STON2: variants seen among roughly 807,000 people sequenced by gnomAD.
The protein encoded by STON2 is stonin-2.
Under a neutral mutation model 65.7 loss-of-function variants are expected in STON2, and 29 were observed. The observed-to-expected ratio is 0.44, with a 90% confidence interval of 0.33 to 0.60. The LOEUF is 0.60. Ranked by LOEUF, STON2 falls within the 20% of genes least tolerant of loss-of-function variation. The pLI, the probability that STON2 is intolerant of heterozygous loss-of-function variation, is 0.03. For synonymous variants in STON2, 404 were observed against 414.2 expected (o/e 0.98, Z 0.30); for missense variants, 1,054 against 1,118.1 (o/e 0.94, Z 0.82).
chr14:81,400,968 A>C (rs963904295), upstream of STON2, among the ~76,000 whole-genome samples: 9 of 152,224 alleles, frequency 5.9e-5, no homozygotes, highest in African/African-American at 2.2e-4. Flanking sequence ...ATGACAATGA[A>C]AACAGCAGGT....
rs181056697 is a variant in STON2, at chr14:81,339,882, T to C, written c.572-15695A>G. Among the ~76,000 whole-genome samples, 41 of 152,214 alleles carry C rather than the reference T, an allele frequency of 2.7e-4. No homozygotes were observed. The South Asian group carries it at 2.7e-3, about 10-fold the overall frequency. ...AAAATAAGCTGAGTAACGCTGGGCG[T>C]GGTGGCTCACGCCTGTAATCCCAAC... On this transcript the variant is annotated intron_variant, in intron 4 of 7. Coordinates refer to ENST00000614646, the MANE Select transcript of STON2 (RefSeq NM_001394390.1).
At chr14:81,370,165 G>A (rs1373335647) in intron 4 of STON2, among the ~76,000 whole-genome samples, 1 of 152,164 alleles carries the variant, frequency 6.6e-6, no homozygotes, top group Non-Finnish European at 1.5e-5. Context: ...GCTTAAAAAT[G>A]ATCTAGAAAC....
rs1016587372 is a variant in STON2 at position 81,396,283 on chromosome 14, G to A, written c.89-105C>T. ...TGACCATGGGGTGCCCGCATGACTC[G>A]CCACTGCAGTGAGTGGGGAGAAGAA... is the stretch of plus-strand genomic sequence containing the variant. On this transcript the variant is annotated intron_variant, in intron 2 of 7. Coordinates refer to ENST00000614646, the MANE Select transcript of STON2 (RefSeq NM_001394390.1). 1.1e-5 allele frequency: 12 copies of A among 1,048,628 alleles called. No individual in the cohort carries two copies. In the East Asian group the frequency reaches 1.3e-4, roughly 11 times the overall value. 65.0% of individuals were successfully genotyped at this position (1,048,628 alleles called of 1,614,324 possible). A position where few individuals can be genotyped will look rare whatever the true frequency, so the allele number is the denominator to read the frequency against.
In STON2 at chr14:81,268,332, T is replaced by TACTCAGGAAGACACCCTATCATG. The variant is rs1037159702; in HGVS notation, c.*59_*81dup. 3.7e-5 allele frequency: 47 copies of TACTCAGGAAGACACCCTATCATG among 1,270,592 alleles called. 1 individual carries two copies. Among genetic ancestry groups the TACTCAGGAAGACACCCTATCATG allele is most frequent in the South Asian group, 2.6e-4 (20 of 78,046 alleles). The allele number at this position is 1,270,592 out of a possible 1,614,324, so 78.7% of individuals were successfully genotyped here. On this transcript the variant is annotated 3_prime_UTR_variant, in exon 8 of 8. Coordinates refer to ENST00000614646, the MANE Select transcript of STON2 (RefSeq NM_001394390.1). Reference sequence around the variant, plus strand: ...AGCAGGTATTGACTGCAACTTCAGCTACTCAGGAAGACACCCTATCATGAC... The same window carrying TACTCAGGAAGACACCCTATCATG: ...AGCAGGTATTGACTGCAACTTCAGCTACTCAGGAAGACACCCTATCATGACTCAGGAAGACACCCTATCATGAC...
At chr14:81,347,732 C>T (rs1201213501) in intron 4 of STON2, among the ~76,000 whole-genome samples, 1 of 133,782 alleles carries the variant, frequency 7.5e-6, no homozygotes, top group African/African-American at 2.8e-5. Context: ...TGTGAGACCC[C>T]CTCCCCCTTC....
At chr14:81,303,059 GGTGT>G (rs56117739) in intron 5 of STON2, among the ~76,000 whole-genome samples, 1,009 of 97,036 alleles carry the variant, frequency 0.01, 10 homozygotes, top group African/African-American at 0.021. Flanking sequence ...ATGTGTGGGG[GGTGT>G]GTGTGTGTGT....
intron 5 of STON2, among the ~76,000 whole-genome samples, chr14:81,302,292 G>C (rs1409533462): frequency 6.6e-6 from 1 of 152,320 alleles, no homozygotes; most frequent in East Asian, 1.9e-4. Flanking sequence ...TGTTAAAGTA[G>C]TCTAAGAGAG....
intron 3 of STON2, among the ~76,000 whole-genome samples, chr14:81,390,309 C>G (rs1218255187): frequency 6.6e-6 from 1 of 152,124 alleles, no homozygotes; most frequent in Non-Finnish European, 1.5e-5. Flanking sequence ...ACTAGAGGAT[C>G]CAGGAAGAAG....
chr14:81,268,752 G>T, intron 7 of STON2: 2 of 599,194 alleles, frequency 3.3e-6, no homozygotes, highest in Non-Finnish European at 4.2e-6. Flanking sequence ...TGTACATTTG[G>T]TCAAAGATCA....
exon 1 of STON2, chr14:81,436,439 C>T (rs1173503415): frequency 1.3e-5 from 2 of 151,776 alleles, no homozygotes; most frequent in East Asian, 3.9e-4. Context: ...CCCTCCCGGC[C>T]GCAGCGCCGA....
At chr14:81,369,168 T>C (rs1898874846) in intron 4 of STON2, among the ~76,000 whole-genome samples, 3 of 152,154 alleles carry the variant, frequency 2.0e-5, no homozygotes, top group Non-Finnish European at 4.4e-5. Flanking sequence ...GCGCTTGCTT[T>C]CTCTGTAGGT....
intron 2 of STON2, among the ~76,000 whole-genome samples, chr14:81,410,278 CA>C (rs1161157573): frequency 0.018 from 818 of 45,778 alleles, no homozygotes; most frequent in African/African-American, 0.03. Context: ...TAACTCTAAC[CA>C]AAAAAAAAAA....
intron 5 of STON2, among the ~76,000 whole-genome samples, chr14:81,283,940 G>A (rs917563672): frequency 7.2e-5 from 11 of 152,116 alleles, no homozygotes; most frequent in African/African-American, 2.4e-4. Flanking sequence ...GGTAATTCTC[G>A]CAACATTCAA....
rs1041221577 is a variant in STON2, at chr14:81,267,275, C to T, written c.*1139G>A. 3 of 985,190 alleles carry T rather than the reference C, an allele frequency of 3.0e-6. No homozygotes were observed. In the African/African-American group the frequency reaches 5.2e-5, roughly 17 times the overall value. 61.0% of individuals were successfully genotyped at this position (985,190 alleles called of 1,614,324 possible). On this transcript the variant is annotated 3_prime_UTR_variant, in exon 8 of 8. Coordinates refer to ENST00000614646, the MANE Select transcript of STON2 (RefSeq NM_001394390.1). The stretch of plus-strand genomic sequence containing the variant: ...ACTCTTGGAATCAGAATATAATGTT[C>T]CCAACATTAGAAAAATATGGCTTTT...
At chr14:81,342,026 C>T (rs969594939) in intron 4 of STON2, among the ~76,000 whole-genome samples, 1 of 152,110 alleles carries the variant, frequency 6.6e-6, no homozygotes, top group African/African-American at 2.4e-5. Context: ...GATGCTGGCT[C>T]ACATAATACA....
chr14:81,358,196 A>C lies in STON2; in HGVS notation c.571+12792T>G, dbSNP rs779389294. On this transcript the variant is annotated intron_variant, in intron 4 of 7. Transcript: ENST00000614646. ...GTTAAAAAACAAAACTATTAATAAC[A>C]ACTATAGCTAAAATAAATTGTCAAA... Among the ~76,000 whole-genome samples, 102 of 152,134 alleles carry C rather than the reference A, an allele frequency of 6.7e-4. 1 individual carries two copies. Among genetic ancestry groups the C allele is most frequent in the Non-Finnish European group, 9.8e-4 (67 of 68,024 alleles).
At chr14:81,388,808 G>A (rs372194877) in intron 3 of STON2, among the ~76,000 whole-genome samples, 6 of 152,108 alleles carry the variant, frequency 3.9e-5, no homozygotes, top group African/African-American at 1.2e-4. Flanking sequence ...GGATAACCTC[G>A]CTACTTCCTC....
At chr14:81,324,488 C>G (rs1274832567) in intron 4 of STON2, among the ~76,000 whole-genome samples, 3 of 152,266 alleles carry the variant, frequency 2.0e-5, no homozygotes, top group African/African-American at 7.2e-5. Flanking sequence ...GCATTTCACT[C>G]TGAAATTTGT....
chr14:81,327,285 G>A (rs1470507523), intron 4 of STON2, among the ~76,000 whole-genome samples: 1 of 151,956 alleles, frequency 6.6e-6, no homozygotes, highest in Non-Finnish European at 1.5e-5. Context: ...TGGTTCATAG[G>A]TGTTGTCGTT....
Sources: gnomAD v4.1 joint callset for allele counts (sites outside exome capture counted in the v4.1 genomes callset) on GRCh38, gnomAD v4.1.1 for gene constraint, MANE v1.5 for transcripts, NCBI Gene and HGNC (gene_info 2026-07-23, HGNC 2026-07-21) for gene names.